The following ASIC2 variants were observed in gnomAD, a reference collection of about 807,000 sequenced individuals.
ASIC2 encodes acid-sensing ion channel 2.
A neutral mutation model predicts 57.3 loss-of-function variants in ASIC2; 25 were observed. The ratio of observed to expected loss-of-function variants is 0.44; its 90% CI spans 0.32 to 0.61. The LOEUF (loss-of-function observed/expected upper bound fraction) is 0.61, where lower values mean the gene tolerates loss of function less well. ASIC2 is among the 20% of genes least tolerant of loss of function. ASIC2 has a pLI of 0.06. For missense variants in ASIC2, 641 were observed against 738.1 expected (o/e 0.87, Z 1.52); for synonymous variants, 319 against 307.5 (o/e 1.04, Z -0.39).
At chr17:33,821,588 G>A (rs1318988803) in intron 1 of ASIC2, among the ~76,000 whole-genome samples, 1 of 152,172 alleles carries the variant, frequency 6.6e-6, no homozygotes, top group African/African-American at 2.4e-5. Context: ...GTCAAACAAG[G>A]AACAGATGAG....
At chr17:33,464,697 A>ATT (rs1555536104) in intron 1 of ASIC2, among the ~76,000 whole-genome samples, 131 of 137,186 alleles carry the variant, frequency 9.5e-4, no homozygotes, top group Middle Eastern at 3.9e-3. Context: ...CTATATATAT[A>ATT]TATATATGTA....
intron 1 of ASIC2, among the ~76,000 whole-genome samples, chr17:33,306,469 G>A (rs563536048): frequency 2.0e-4 from 31 of 152,090 alleles, no homozygotes; most frequent in Middle Eastern, 3.2e-3. Flanking sequence ...AGTTTTACTC[G>A]TGGGAAGAGG....
At chr17:33,284,334 G>T (rs1905066501) in intron 1 of ASIC2, among the ~76,000 whole-genome samples, 1 of 152,188 alleles carries the variant, frequency 6.6e-6, no homozygotes, top group African/African-American at 2.4e-5. Context: ...GTCCTTGAAA[G>T]AATGAAAATA....
intron 1 of ASIC2, among the ~76,000 whole-genome samples, chr17:33,232,483 T>TGGTATGGTATGGTAC (rs1908140718): frequency 1.3e-5 from 2 of 150,624 alleles, no homozygotes; most frequent in South Asian, 4.2e-4. Flanking sequence ...TGGTATGGTA[T>TGGTATGGTATGGTAC]GGTATGGTAT....
chr17:33,972,914 G>C (rs913478827), intron 1 of ASIC2, among the ~76,000 whole-genome samples: 2 of 152,212 alleles, frequency 1.3e-5, no homozygotes, highest in Non-Finnish European at 2.9e-5. Flanking sequence ...CTCCCTCTCT[G>C]GGTCACAGTT....
chr17:33,383,162 T>A (rs1909551489), intron 1 of ASIC2, among the ~76,000 whole-genome samples: 1 of 152,232 alleles, frequency 6.6e-6, no homozygotes, highest in Admixed American at 6.5e-5. Flanking sequence ...AGAGTTAGTA[T>A]CTCCTATGTT....
chr17:33,467,014 T>C (rs1567622090), intron 1 of ASIC2, among the ~76,000 whole-genome samples: 1 of 152,174 alleles, frequency 6.6e-6, no homozygotes, highest in Non-Finnish European at 1.5e-5. Context: ...TAAACTAAAG[T>C]GCTTCTGCAC....
chr17:33,267,233 A>ACC (rs77895388), intron 1 of ASIC2, among the ~76,000 whole-genome samples: 1 of 150,606 alleles, frequency 6.6e-6, no homozygotes, highest in African/African-American at 2.4e-5. Context: ...TGCACCCCTT[A>ACC]CCCCCCCCAG....
chr17:33,310,398 T>C (rs895004092), intron 1 of ASIC2, among the ~76,000 whole-genome samples: 3 of 152,184 alleles, frequency 2.0e-5, no homozygotes, highest in East Asian at 1.9e-4. Context: ...CTAAGACTTA[T>C]ACACATCTAG....
At chr17:33,601,697 G>A (rs746589164) in intron 1 of ASIC2, among the ~76,000 whole-genome samples, 9 of 152,246 alleles carry the variant, frequency 5.9e-5, no homozygotes, top group Non-Finnish European at 1.2e-4. Context: ...TACCCAGCAT[G>A]CAACTCCAGC....
At chr17:34,048,902 T>G (rs1009465793) in intron 1 of ASIC2, among the ~76,000 whole-genome samples, 1 of 152,242 alleles carries the variant, frequency 6.6e-6, no homozygotes, top group Non-Finnish European at 1.5e-5. Context: ...AAATTAAATA[T>G]GATTTTAATA....
intron 1 of ASIC2, among the ~76,000 whole-genome samples, chr17:34,076,010 A>AT (rs1202723579): frequency 1.4e-3 from 197 of 142,508 alleles, no homozygotes; most frequent in East Asian, 2.2e-3. Context: ...TTTTATTTTT[A>AT]TTTTTTTTTT....
At chr17:33,112,679 C>T (rs1447765438) in intron 1 of ASIC2, 1 of 152,254 alleles carries the variant, frequency 6.6e-6, no homozygotes, top group Non-Finnish European at 1.5e-5. Context: ...TCAATAACCT[C>T]TCTACATCTG....
intron 1 of ASIC2, among the ~76,000 whole-genome samples, chr17:33,465,889 T>C (rs2141915999): frequency 6.6e-6 from 1 of 152,302 alleles, no homozygotes; most frequent in Non-Finnish European, 1.5e-5. Flanking sequence ...AGTATTTTTC[T>C]TGGTAGCTGT....
At chr17:33,877,130 T>C (rs1914565791) in intron 1 of ASIC2, among the ~76,000 whole-genome samples, 1 of 152,192 alleles carries the variant, frequency 6.6e-6, no homozygotes, top group Non-Finnish European at 1.5e-5. Context: ...AATAAAAGTC[T>C]GATGAGGTGG....
intron 1 of ASIC2, among the ~76,000 whole-genome samples, chr17:33,681,512 C>T (rs1187497460): frequency 6.6e-6 from 1 of 152,120 alleles, no homozygotes; most frequent in Non-Finnish European, 1.5e-5. Context: ...GCCAATGAGA[C>T]TTGAAAGAAA....
chr17:33,351,029 T>C (rs1489429269), intron 1 of ASIC2, among the ~76,000 whole-genome samples: 1 of 152,204 alleles, frequency 6.6e-6, no homozygotes, highest in Non-Finnish European at 1.5e-5. Flanking sequence ...GCTAATTCTT[T>C]TTCTCCTTGA....
In ASIC2 at chr17:33,495,916, A is replaced by G. The variant is rs148060599; in HGVS notation, c.556-383849T>C. On this transcript the variant is annotated intron_variant, in intron 1 of 9. Coordinates refer to the ASIC2 transcript ENST00000359872. ...GGCTGAAGGCAGATGGGAACATCCC[A>G]GGTACAAGGAAAAGCACCGACAAAG... 7.8e-3 allele frequency among the ~76,000 whole-genome samples: 1,183 copies of G among 152,332 alleles called. 5 individuals are homozygous for G. Among genetic ancestry groups the G allele is most frequent in the South Asian group, 0.014 (66 of 4,824 alleles).
At chr17:33,926,703 T>C (rs1915828593) in intron 1 of ASIC2, among the ~76,000 whole-genome samples, 1 of 152,210 alleles carries the variant, frequency 6.6e-6, no homozygotes, top group South Asian at 2.1e-4. Context: ...AGACCATTAA[T>C]ACGGTGGGAA....
Sources: gnomAD v4.1 joint callset for allele counts (sites outside exome capture counted in the v4.1 genomes callset) on GRCh38, gnomAD v4.1.1 for gene constraint, MANE v1.5 for transcripts, NCBI Gene and HGNC (gene_info 2026-07-23, HGNC 2026-07-21) for gene names.